ATP6V0A4: variants seen among roughly 807,000 people sequenced by gnomAD.
ATP6V0A4 encodes ATPase H+ transporting V0 subunit a4.
ATP6V0A4 carries 86 observed loss-of-function variants against 107.3 expected under a neutral mutation model. That is an observed-to-expected ratio of 0.80 (90% CI 0.67 to 0.96). ATP6V0A4 has a LOEUF of 0.96. Ranked by LOEUF, ATP6V0A4 falls within the 40% of genes least tolerant of loss-of-function variation. The pLI is 0.00. For missense variants in ATP6V0A4, 908 were observed against 1,045.6 expected (o/e 0.87, Z 1.81); for synonymous variants, 353 against 381.4 (o/e 0.93, Z 0.87).
chr7:138,714,041 T>C (rs1803890902), intron 20 of ATP6V0A4, among the ~76,000 whole-genome samples: 1 of 137,582 alleles, frequency 7.3e-6, no homozygotes, highest in African/African-American at 2.8e-5. Flanking sequence ...AGTTTGAGGC[T>C]AGCCTAGGCA....
chr7:138,736,030 T>C (rs1805302948), intron 15 of ATP6V0A4, among the ~76,000 whole-genome samples: 2 of 151,804 alleles, frequency 1.3e-5, no homozygotes, highest in South Asian at 4.2e-4. Flanking sequence ...ATCGCACAAT[T>C]GCACTCCAGC....
In ATP6V0A4 at chr7:138,759,688, G is replaced by A. The variant is rs938487522; in HGVS notation, c.639+64C>T. On this transcript the variant is annotated intron_variant, in intron 8 of 21. Transcript: ENST00000310018. ...AAGATCCCCCATGTTTTGGGAGAAC[G>A]AAGCGCTTCTGCTGAGGGCTATGGG... is the stretch of plus-strand genomic sequence containing the variant. 60 of 1,567,328 alleles carry A rather than the reference G, an allele frequency of 3.8e-5. 1 individual carries two copies. In the Admixed American group the frequency reaches 4.5e-4, roughly 12 times the overall value.
intron 14 of ATP6V0A4, among the ~76,000 whole-genome samples, chr7:138,742,991 AT>A (rs1805710443): frequency 6.6e-6 from 1 of 150,750 alleles, no homozygotes; most frequent in African/African-American, 2.4e-5. Context: ...GTTTTTCTAT[AT>A]TTAAGGTGGG....
chr7:138,763,612 A>G (rs1380534515), intron 5 of ATP6V0A4, among the ~76,000 whole-genome samples: 1 of 152,158 alleles, frequency 6.6e-6, no homozygotes, highest in African/African-American at 2.4e-5. Context: ...TGGGCGACAG[A>G]GCAAGACTCC....
intron 21 of ATP6V0A4, among the ~76,000 whole-genome samples, chr7:138,707,797 G>A (rs1406603297): frequency 6.6e-6 from 1 of 150,426 alleles, no homozygotes; most frequent in Non-Finnish European, 1.5e-5. Flanking sequence ...CTCTGCTTGT[G>A]GGCTCATGGT....
chr7:138,753,068 C>T lies in ATP6V0A4; in HGVS notation c.817-231G>A, dbSNP rs34872188. ...CCTTTTCTTCTAAATTCCTCATTGT[C>T]CTATTGTTATGGGTTGAATTGTCCA... On this transcript the variant is annotated intron_variant, in intron 10 of 21. Coordinates refer to ENST00000310018, the MANE Select transcript of ATP6V0A4 (RefSeq NM_020632.3). Among the ~76,000 whole-genome samples, 6,325 of 152,234 alleles carry T rather than the reference C, an allele frequency of 0.042. 189 individuals carry two copies. The highest frequency in any genetic ancestry group is 0.062 in the Non-Finnish European group (4,187 of 68,010).
Position 138,763,390 on chromosome 7 carries a change from G to A in ATP6V0A4, c.292-365C>T, listed in dbSNP as rs1031943224. Among the ~76,000 whole-genome samples, 5 of 152,190 alleles carry A rather than the reference G, an allele frequency of 3.3e-5. No individual in the cohort carries two copies. In the South Asian group the frequency reaches 6.2e-4, roughly 19 times the overall value. ...TGCCTGTAATCCCAGCACTTTGGGA[G>A]GCCGAGATGTGCAGATCACTTGAGG... On this transcript the variant is annotated intron_variant, in intron 5 of 21. Coordinates refer to ENST00000310018, the MANE Select transcript of ATP6V0A4 (RefSeq NM_020632.3).
Position 138,736,242 on chromosome 7 carries a change from C to CTAAA in ATP6V0A4, c.1573-1992_1573-1989dup, listed in dbSNP as rs987311169. Among the ~76,000 whole-genome samples, 6 of 151,982 alleles carry CTAAA rather than the reference C, an allele frequency of 3.9e-5. No individual in the cohort carries two copies. The East Asian group carries it at 5.8e-4, about 15-fold the overall frequency. On this transcript the variant is annotated intron_variant, in intron 15 of 21. Transcript: ENST00000310018. ...TGGGCAAGAGAGCAAGACTCTGTCT[C>CTAAA]TAAATAAATAAATAAATAAAAAGAA...
At chr7:138,707,162 T>TCA (rs1562972368) in intron 21 of ATP6V0A4, among the ~76,000 whole-genome samples, 46 of 75,386 alleles carry the variant, frequency 6.1e-4, no homozygotes, top group Middle Eastern at 5.4e-3. Flanking sequence ...TAATATATAA[T>TCA]ATATTATATA....
At chr7:138,721,470 C>T (rs931726029) in intron 19 of ATP6V0A4, among the ~76,000 whole-genome samples, 2 of 152,028 alleles carry the variant, frequency 1.3e-5, no homozygotes, top group Admixed American at 6.6e-5. Flanking sequence ...GCCTGGGAGG[C>T]GGAGGTTGCA....
intron 10 of ATP6V0A4, among the ~76,000 whole-genome samples, chr7:138,754,725 C>T (rs948176119): frequency 4.6e-5 from 7 of 151,896 alleles, no homozygotes; most frequent in Admixed American, 3.9e-4. Flanking sequence ...CAGGTTCAAA[C>T]GATTCTCCTG....
At chr7:138,751,391 C>T (rs770258657) in intron 11 of ATP6V0A4, among the ~76,000 whole-genome samples, 1 of 152,056 alleles carries the variant, frequency 6.6e-6, no homozygotes, top group South Asian at 2.1e-4. Flanking sequence ...CTGTCAAGCC[C>T]GTCTGTCCAG....
intron 10 of ATP6V0A4, among the ~76,000 whole-genome samples, chr7:138,753,858 T>C (rs1351455805): frequency 6.6e-6 from 1 of 152,122 alleles, no homozygotes; most frequent in Non-Finnish European, 1.5e-5. Flanking sequence ...TCAAAGAGCA[T>C]AGCCCGAATT....
chr7:138,718,050 G>GGGT (rs1804154327), intron 19 of ATP6V0A4, among the ~76,000 whole-genome samples: 1 of 146,908 alleles, frequency 6.8e-6, no homozygotes, highest in African/African-American at 2.5e-5. Flanking sequence ...AGGAGTGGGG[G>GGGT]GGTACAGTCA....
intron 17 of ATP6V0A4, among the ~76,000 whole-genome samples, chr7:138,729,568 C>T (rs1804885031): frequency 6.6e-6 from 1 of 152,090 alleles, no homozygotes; most frequent in Non-Finnish European, 1.5e-5. Context: ...TATATTCCTG[C>T]TCCAGATCAC....
chr7:138,784,265 T>TACATATATATATACATATATATACAC, intron 2 of ATP6V0A4, among the ~76,000 whole-genome samples: 1 of 52,978 alleles, frequency 1.9e-5, no homozygotes, highest in South Asian at 8.0e-4. Context: ...TATATATATA[T>TACATATATATATACATATATATACAC]ACATATATAT....
At chr7:138,756,578 T>G (rs367713251) in intron 8 of ATP6V0A4, 38 bp from the exon 9 acceptor site, 143 of 1,592,694 alleles carry the variant, frequency 9.0e-5, no homozygotes, top group East Asian at 7.8e-4. Context: ...AAGGGGGGGG[T>G]TTCTTTCTGG....
chr7:138,730,931 C>CTTCTTCT (rs1554392929), intron 17 of ATP6V0A4, among the ~76,000 whole-genome samples: 13 of 123,758 alleles, frequency 1.1e-4, no homozygotes, highest in African/African-American at 3.1e-4. Flanking sequence ...TCTTCTTCTT[C>CTTCTTCT]TTTTTTTATT....
chr7:138,775,719 C>T (rs1055060074), intron 2 of ATP6V0A4, among the ~76,000 whole-genome samples: 4 of 148,392 alleles, frequency 2.7e-5, no homozygotes, highest in South Asian at 2.1e-4. Context: ...GGCGCGATCT[C>T]GGCTCACTGC....
Sources: gnomAD v4.1 joint callset for allele counts (sites outside exome capture counted in the v4.1 genomes callset) on GRCh38, gnomAD v4.1.1 for gene constraint, MANE v1.5 for transcripts, NCBI Gene and HGNC (gene_info 2026-07-23, HGNC 2026-07-21) for gene names.